The following PDE1C variants were observed in gnomAD, a reference collection of about 807,000 sequenced individuals.
PDE1C encodes the protein phosphodiesterase 1C.
PDE1C carries 62 observed loss-of-function variants against 93.1 expected under a neutral mutation model. The ratio of observed to expected loss-of-function variants is 0.67; its 90% CI spans 0.54 to 0.82. The LOEUF (loss-of-function observed/expected upper bound fraction) is 0.82. Ranked by LOEUF, PDE1C falls within the 40% of genes least tolerant of loss-of-function variation. The pLI, the probability that PDE1C is intolerant of heterozygous loss-of-function variation, is 0.00. For missense variants in PDE1C, 742 were observed against 884.6 expected, an observed-to-expected ratio of 0.84 and a Z score of 2.04; for synonymous variants, 325 against 310.1, an observed-to-expected ratio of 1.05 and a Z score of -0.50.
At position 32,284,859 on chromosome 7, in the gene PDE1C, C is replaced by T. The variant is rs145319038; in HGVS notation, c.85+13792G>A. Among the ~76,000 whole-genome samples, 478 of 152,078 alleles carry T rather than the reference C, an allele frequency of 3.1e-3. 3 individuals carry two copies. The highest frequency in any genetic ancestry group is 0.011 in the African/African-American group (445 of 41,510). On this transcript the variant is annotated intron_variant, in intron 1 of 18. Transcript: ENST00000396193. The stretch of plus-strand genomic sequence containing the variant: ...ACCAACTGGCCAACATGGTGAAACC[C>T]GTCTCTACAAAAATACAAAAATTAG...
At chr7:32,310,873 G>C (rs1484424697) in intron 1 of PDE1C, among the ~76,000 whole-genome samples, 1 of 152,074 alleles carries the variant, frequency 6.6e-6, no homozygotes, top group Non-Finnish European at 1.5e-5. Flanking sequence ...ATATTCAAAA[G>C]CTAGCAGAAG....
intron 1 of PDE1C, among the ~76,000 whole-genome samples, chr7:32,339,847 A>AG (rs150000183): frequency 0.032 from 4,876 of 152,210 alleles, 221 homozygotes; most frequent in African/African-American, 0.098. Flanking sequence ...GAACTGTGGT[A>AG]GGGCCACCCT....
chr7:31,711,019 T>C, the PDE1C span, among the ~76,000 whole-genome samples: 1 of 152,200 alleles, frequency 6.6e-6, no homozygotes. Context: ...AGGATAGGTG[T>C]ATCCTCACCT....
chr7:32,103,061 G>C (rs528994672), intron 3 of PDE1C, among the ~76,000 whole-genome samples: 1 of 152,166 alleles, frequency 6.6e-6, no homozygotes, highest in Non-Finnish European at 1.5e-5. Context: ...TGGGCTAAAA[G>C]CACAGGTCCA....
chr7:31,655,636 C>A, the PDE1C span: 1 of 583,842 alleles, frequency 1.7e-6, no homozygotes, highest in Non-Finnish European at 2.2e-6. Flanking sequence ...TCGTCGCCTC[C>A]CACTGCATCA....
chr7:32,031,575 A>T (rs1790329947), intron 2 of PDE1C, among the ~76,000 whole-genome samples: 1 of 152,214 alleles, frequency 6.6e-6, no homozygotes, highest in South Asian at 2.1e-4. Flanking sequence ...TGAAGGCACA[A>T]AAGTATAAAG....
At chr7:32,305,689 C>T (rs1314832764) in intron 1 of PDE1C, among the ~76,000 whole-genome samples, 2 of 152,226 alleles carry the variant, frequency 1.3e-5, no homozygotes, top group Non-Finnish European at 2.9e-5. Context: ...GAGCATTTCT[C>T]ATCTGACTCG....
At chr7:32,382,134 C>T (rs1020303970) in intron 1 of PDE1C, among the ~76,000 whole-genome samples, 1 of 152,174 alleles carries the variant, frequency 6.6e-6, no homozygotes. Context: ...TGAACCCAGG[C>T]AGCATGGCCC....
chr7:32,262,549 G>T (rs920432202), intron 1 of PDE1C, among the ~76,000 whole-genome samples: 8 of 152,170 alleles, frequency 5.3e-5, no homozygotes, highest in Non-Finnish European at 7.3e-5. Flanking sequence ...GGCACACAGG[G>T]TCTGTGTGTG....
chr7:31,939,567 A>T (rs551388959), intron 2 of PDE1C, among the ~76,000 whole-genome samples: 62 of 152,294 alleles, frequency 4.1e-4, no homozygotes, highest in South Asian at 2.7e-3. Context: ...AATGAAAACA[A>T]AGGATTTTTA....
chr7:31,805,324 GT>G (rs1207902773), intron 16 of PDE1C, among the ~76,000 whole-genome samples: 4 of 151,698 alleles, frequency 2.6e-5, no homozygotes, highest in Non-Finnish European at 4.4e-5. Flanking sequence ...ACTTATAATT[GT>G]TGATTTCTGG....
At chr7:31,641,956 G>C in the PDE1C span, among the ~76,000 whole-genome samples, 1 of 151,958 alleles carries the variant, frequency 6.6e-6, no homozygotes, top group Non-Finnish European at 1.5e-5. Context: ...TTCGTTTCAG[G>C]TTTTATTCTT....
At chr7:32,066,253 G>C (rs1795390889) in intron 1 of PDE1C, among the ~76,000 whole-genome samples, 1 of 152,170 alleles carries the variant, frequency 6.6e-6, no homozygotes, top group African/African-American at 2.4e-5. Flanking sequence ...GGGGTGAGGA[G>C]TAGAGTCTGT....
At chr7:32,215,694 A>G (rs1323733805) in intron 1 of PDE1C, among the ~76,000 whole-genome samples, 2 of 152,208 alleles carry the variant, frequency 1.3e-5, no homozygotes, top group Non-Finnish European at 2.9e-5. Flanking sequence ...ATAAAGGGGA[A>G]GCTAAGGTGG....
At chr7:32,349,704 A>G (rs2128082531) in intron 1 of PDE1C, among the ~76,000 whole-genome samples, 1 of 152,078 alleles carries the variant, frequency 6.6e-6, no homozygotes, top group South Asian at 2.1e-4. Context: ...ATCTTGGGTC[A>G]CTGCAACCTC....
At chr7:32,357,652 T>G (rs1021581117) in intron 1 of PDE1C, among the ~76,000 whole-genome samples, 2 of 152,194 alleles carry the variant, frequency 1.3e-5, no homozygotes, top group African/African-American at 4.8e-5. Context: ...AAACTCACTG[T>G]AACAAGCCCC....
At chr7:31,944,277 G>A (rs1175744991) in intron 2 of PDE1C, among the ~76,000 whole-genome samples, 1 of 152,134 alleles carries the variant, frequency 6.6e-6, no homozygotes, top group East Asian at 1.9e-4. Flanking sequence ...ACTCACCTGG[G>A]CCAAGCTTAA....
chr7:32,416,746 T>C (rs1583431540), intron 1 of PDE1C, among the ~76,000 whole-genome samples: 1 of 151,440 alleles, frequency 6.6e-6, no homozygotes, highest in African/African-American at 2.4e-5. Context: ...AGGATGGGGG[T>C]CTGCACACAT....
chr7:31,806,971 C>T (rs1338167361), intron 16 of PDE1C, among the ~76,000 whole-genome samples: 1 of 151,836 alleles, frequency 6.6e-6, no homozygotes, highest in Non-Finnish European at 1.5e-5. Context: ...AAGTAGAGAG[C>T]TTTAATGACC....
Sources: gnomAD v4.1 joint callset for allele counts (sites outside exome capture counted in the v4.1 genomes callset) on GRCh38, gnomAD v4.1.1 for gene constraint, MANE v1.5 for transcripts, NCBI Gene and HGNC (gene_info 2026-07-23, HGNC 2026-07-21) for gene names.